STRADB: variants seen among roughly 807,000 people sequenced by gnomAD.
STRADB encodes STE20 related adaptor beta.
In STRADB, 34 loss-of-function variants were observed where a neutral mutation model predicts 52.1. The observed-to-expected ratio is 0.65, with a 90% CI of 0.50 to 0.87. The LOEUF (loss-of-function observed/expected upper bound fraction) is 0.87, where lower values mean the gene tolerates loss of function less well. Among genes scored for constraint, STRADB ranks in the 40% least tolerant of loss-of-function variants. The pLI is 0.00. For missense variants in STRADB, 340 were observed against 483.9 expected, an observed-to-expected ratio of 0.70 and a Z score of 2.79; for synonymous variants, 133 against 174.5, an observed-to-expected ratio of 0.76 and a Z score of 1.87.
At chr2:201,472,790 T>C in intron 4 of STRADB, 165 bp from the exon 5 acceptor site, 1 of 566,902 alleles carries the variant, frequency 1.8e-6, no homozygotes, top group Non-Finnish European at 2.8e-6. Context: ...TGTTTTTTAA[T>C]TGGATTGCTT....
At position 201,477,685 on chromosome 2, in the gene STRADB, T is replaced by C; in HGVS notation, c.615T>C (p.His205=). 19 of 1,613,374 alleles carry C rather than the reference T, an allele frequency of 1.2e-5. No homozygotes were observed. The highest frequency in any genetic ancestry group is 1.6e-5 in the Non-Finnish European group (19 of 1,179,368). Residue 205 remains histidine (H), a synonymous_variant, in exon 8 of 12, where the codon CAT becomes CAC. Transcript: ENST00000194530. ...TAGTGACCCTCTCTGGCCTGTCCCA[T>C]CTGCATAGTTTGGTTAAGCATGGAC... The part of the protein sequence containing the change: ...DGLVTLSGLS[H]LHSLVKHGQR...
chr2:201,474,609 T>G, intron 5 of STRADB, 38 bp from the exon 6 acceptor site: 1 of 1,563,226 alleles, frequency 6.4e-7, no homozygotes, highest in Non-Finnish European at 8.7e-7. Context: ...AAAAAACAGT[T>G]GTTTTTAAAT....
At position 201,477,742 on chromosome 2, in the gene STRADB, G is replaced by A; in HGVS notation, c.672G>A (p.Gln224=). The A allele has an allele frequency of 6.2e-7, 1 of 1,613,642 alleles. No homozygotes were observed. ...QRHRAVYDFP[Q]FSTSVQPWLS... ...ATAGGGCTGTGTATGATTTCCCACA[G>A]TTCAGCACATCAGTGCAGCCGTGGC... is the stretch of plus-strand genomic sequence containing the variant. The change falls in exon 8 of 12, where the codon CAG becomes CAA. Residue 224 remains glutamine (Q), a synonymous_variant. Coordinates refer to ENST00000194530, the MANE Select transcript of STRADB (RefSeq NM_018571.6).
rs1952167576 is a variant in STRADB at position 201,458,766 on chromosome 2, T to C, written c.13-18T>C. The C allele has an allele frequency of 6.2e-7, 1 of 1,611,056 alleles. No homozygotes were observed. Among genetic ancestry groups the C allele is most frequent in the African/African-American group, 1.3e-5 (1 of 74,836 alleles). On this transcript the variant is annotated intron_variant, in intron 2 of 11. Coordinates refer to ENST00000194530, the MANE Select transcript of STRADB (RefSeq NM_018571.6). ...TGTAACTTATTTTTCACTTATATAA[T>C]GCATTTCTGACTTCCAGGATTGCTT...
At chr2:201,473,455 GTTTA>G (rs1278440754) in intron 5 of STRADB, among the ~76,000 whole-genome samples, 1 of 152,118 alleles carries the variant, frequency 6.6e-6, no homozygotes, top group Non-Finnish European at 1.5e-5. Context: ...TTAATATAAT[GTTTA>G]TTTGAGGAGA....
At chr2:201,470,645 A>G (rs1433273862) in intron 4 of STRADB, among the ~76,000 whole-genome samples, 3 of 152,216 alleles carry the variant, frequency 2.0e-5, no homozygotes, top group African/African-American at 7.2e-5. Context: ...TGAAGACACA[A>G]TATAGCTTCG....
intron 3 of STRADB, among the ~76,000 whole-genome samples, chr2:201,467,552 G>A (rs1952323207): frequency 6.6e-6 from 1 of 152,182 alleles, no homozygotes; most frequent in Non-Finnish European, 1.5e-5. Flanking sequence ...TCTATCTGTT[G>A]ATCTCAGCTC....
chr2:201,478,443 C>T lies in STRADB; in HGVS notation c.912C>T (p.Ser304=), dbSNP rs576842105. Residue 304 remains serine (S), a synonymous_variant, in exon 10 of 12, where the codon TCC becomes TCT. Coordinates refer to ENST00000194530, the MANE Select transcript of STRADB (RefSeq NM_018571.6). ...FPQSESRMKN[S]QSGVDSGIGE... ...AATCAGAATCCAGAATGAAAAATTCCCAGTCAGGTGTAGACTCTGGGATTG... is the reference window on the plus strand; with the variant it reads ...AATCAGAATCCAGAATGAAAAATTCTCAGTCAGGTGTAGACTCTGGGATTG... 8.1e-6 allele frequency: 13 copies of T among 1,613,990 alleles called. No individual in the cohort carries two copies. The African/African-American group carries it at 1.7e-4, about 22-fold the overall frequency.
At chr2:201,462,646 A>G (rs1952233665) in intron 3 of STRADB, among the ~76,000 whole-genome samples, 1 of 152,118 alleles carries the variant, frequency 6.6e-6, no homozygotes, top group African/African-American at 2.4e-5. Context: ...TGCAAAAACA[A>G]ACAGGCGAAG....
At chr2:201,477,527 C>T (rs866296426) in intron 7 of STRADB, 92 bp from the exon 8 acceptor site, 103 of 1,303,964 alleles carry the variant, frequency 7.9e-5, no homozygotes, top group Middle Eastern at 2.7e-4. Flanking sequence ...ATTTAATTTC[C>T]AAGAGAATAT....
intron 3 of STRADB, among the ~76,000 whole-genome samples, chr2:201,462,612 T>G (rs975178513): frequency 1.3e-5 from 2 of 152,202 alleles, no homozygotes; most frequent in African/African-American, 4.8e-5. Context: ...ACATGTTATT[T>G]TAAAGTGACA....
At chr2:201,460,857 T>C (rs1952203409) in intron 3 of STRADB, 1 of 236,188 alleles carries the variant, frequency 4.2e-6, no homozygotes, top group South Asian at 4.9e-5. Flanking sequence ...ATATACTGAT[T>C]TCTTTTCTTT....
intron 1 of STRADB, among the ~76,000 whole-genome samples, chr2:201,453,310 G>C (rs996867261): frequency 6.6e-6 from 1 of 152,086 alleles, no homozygotes; most frequent in East Asian, 1.9e-4. Context: ...AAAAAAGCAG[G>C]ATACAAAATC....
At chr2:201,464,475 G>A (rs1048909203) in intron 3 of STRADB, among the ~76,000 whole-genome samples, 3 of 152,146 alleles carry the variant, frequency 2.0e-5, no homozygotes, top group East Asian at 3.9e-4. Context: ...GCTGCCTGGA[G>A]CTGGGCGAGG....
chr2:201,467,862 G>T (rs12614745), intron 3 of STRADB, among the ~76,000 whole-genome samples: 8,581 of 152,054 alleles, frequency 0.056, 545 homozygotes, highest in East Asian at 0.25. Context: ...TTCTGTAAAT[G>T]TAGCTCAATA....
At chr2:201,460,740 C>T (rs907799114) in intron 3 of STRADB, 6 of 306,898 alleles carry the variant, frequency 2.0e-5, no homozygotes, top group African/African-American at 1.3e-4. Context: ...ACATATGTAC[C>T]ACATTTTCTT....
At chr2:201,458,658 A>C in intron 2 of STRADB, 126 bp from the exon 3 acceptor site, 1 of 698,952 alleles carries the variant, frequency 1.4e-6, no homozygotes, top group South Asian at 2.0e-5. Context: ...TTCAATTCCA[A>C]GTTTCTGCAA....
chr2:201,469,406 G>A (rs1267914385), intron 3 of STRADB, among the ~76,000 whole-genome samples: 1 of 152,146 alleles, frequency 6.6e-6, no homozygotes, highest in Admixed American at 6.5e-5. Flanking sequence ...TCAGTACTTG[G>A]TCATTCACTT....
rs1952552110 is a variant in STRADB at position 201,480,384 on chromosome 2, A to C, written c.*209A>C. The C allele has an allele frequency of 7.4e-7, 1 of 1,346,144 alleles. No individual in the cohort carries two copies. The highest frequency in any genetic ancestry group is 9.5e-7 in the Non-Finnish European group (1 of 1,052,106). 83.4% of individuals were successfully genotyped at this position (1,346,144 alleles called of 1,614,324 possible). Reference sequence around the variant, plus strand: ...AGTACTATGACAAGGAAACATCAGAATTACTAATCTAGCTAGTGTCATTTA... The same window carrying C: ...AGTACTATGACAAGGAAACATCAGACTTACTAATCTAGCTAGTGTCATTTA... On this transcript the variant is annotated 3_prime_UTR_variant, in exon 12 of 12. Coordinates refer to ENST00000194530, the MANE Select transcript of STRADB (RefSeq NM_018571.6).
Sources: allele counts gnomAD v4.1 joint callset (sites outside exome capture counted in the v4.1 genomes callset), GRCh38; gene constraint gnomAD v4.1.1; transcripts MANE v1.5; gene names NCBI Gene and HGNC (gene_info 2026-07-23, HGNC 2026-07-21).